GIGYF2: variants seen among roughly 807,000 people sequenced by gnomAD.
The protein encoded by GIGYF2 is GRB10 interacting GYF protein 2, also known as GRB10-interacting GYF protein 2.
Under a neutral mutation model 208.1 loss-of-function variants are expected in GIGYF2, and 25 were observed. The ratio of observed to expected loss-of-function variants is 0.12; its 90% CI spans 0.09 to 0.17. GIGYF2 has a LOEUF of 0.17. GIGYF2 is among the 10% of genes least tolerant of loss of function. The pLI, the probability that GIGYF2 is intolerant of heterozygous loss-of-function variation, is 1.00. For synonymous variants in GIGYF2, 534 were observed against 543.8 expected (o/e 0.98, Z 0.25); for missense variants, 1,302 against 1,579.4 (o/e 0.82, Z 2.98).
intron 2 of GIGYF2, among the ~76,000 whole-genome samples, chr2:232,713,987 T>C (rs1448866105): frequency 2.7e-4 from 41 of 149,736 alleles, no homozygotes; most frequent in Admixed American, 2.7e-3. Context: ...TCTCGCTCTG[T>C]CACCCAGGCT....
chr2:232,836,277 TA>T (rs1559160179), intron 22 of GIGYF2, among the ~76,000 whole-genome samples: 1 of 6,734 alleles, frequency 1.5e-4, no homozygotes, highest in African/African-American at 8.1e-4. Flanking sequence ...TATATATATA[TA>T]TATATATATA....
At chr2:232,813,967 A>G (rs1179029192) in intron 18 of GIGYF2, among the ~76,000 whole-genome samples, 2 of 146,428 alleles carry the variant, frequency 1.4e-5, no homozygotes. Flanking sequence ...GGGTCACTGC[A>G]ACCTCTGCCT....
Position 232,847,564 on chromosome 2 carries a change from A to G in GIGYF2, c.3677A>G (p.Gln1226Arg). The change falls in exon 27 of 29, where the codon CAA (glutamine) becomes CGA (arginine). Residue 1226 changes from glutamine to arginine, a missense_variant. Gln to Arg is a conservative substitution (Grantham distance 43, BLOSUM62 1). This residue lies in a region of GIGYF2 where 701 missense variants were observed against 793.0 expected (regional missense o/e 0.88). Transcript: ENST00000373563. Reference protein sequence around the residue: ...QPPQQPPQQPQQQDSVWGMNH... With the variant: ...QPPQQPPQQPRQQDSVWGMNH... ...CCACAGCAGCCGCCACAGCAGCCAC[A>G]ACAGCAGGTATAAAGTAGTGTGGTG... 1 of 1,579,846 alleles carries G rather than the reference A, an allele frequency of 6.3e-7. No homozygotes were observed. Among genetic ancestry groups the G allele is most frequent in the Non-Finnish European group, 8.7e-7 (1 of 1,151,864 alleles).
At chr2:232,837,632 T>A (rs562993361) in intron 22 of GIGYF2, among the ~76,000 whole-genome samples, 39 of 152,132 alleles carry the variant, frequency 2.6e-4, no homozygotes, top group Admixed American at 5.9e-4. Context: ...TTTTTTTTTT[T>A]ATTTTTAGTA....
At chr2:232,843,168 T>C (rs1701876262) in intron 23 of GIGYF2, 1 of 140,594 alleles carries the variant, frequency 7.1e-6, no homozygotes. Flanking sequence ...TGTGTGTGTG[T>C]GTGTGTGTGT....
chr2:232,732,791 G>A (rs1419807510), intron 2 of GIGYF2, among the ~76,000 whole-genome samples: 1 of 151,756 alleles, frequency 6.6e-6, no homozygotes, highest in Non-Finnish European at 1.5e-5. Context: ...ATCATGCCCA[G>A]CTAATTTTTA....
chr2:232,730,892 C>T (rs1351531702), intron 2 of GIGYF2, among the ~76,000 whole-genome samples: 1 of 106,656 alleles, frequency 9.4e-6, no homozygotes, highest in African/African-American at 3.9e-5. Flanking sequence ...AGCGAGACTC[C>T]GTCTCAAAAA....
At chr2:232,767,117 T>G (rs1013792535) in intron 8 of GIGYF2, 2 of 152,202 alleles carry the variant, frequency 1.3e-5, no homozygotes, top group East Asian at 1.9e-4. Context: ...ATAATAGAGT[T>G]CATCTAGTCC....
chr2:232,707,810 G>C (rs1057253001), intron 2 of GIGYF2, among the ~76,000 whole-genome samples: 6 of 151,830 alleles, frequency 4.0e-5, no homozygotes, highest in Admixed American at 3.9e-4. Flanking sequence ...GCTAATTTTT[G>C]TATTTTTAGT....
chr2:232,833,733 C>T (rs1022677843), intron 22 of GIGYF2, among the ~76,000 whole-genome samples: 2 of 152,044 alleles, frequency 1.3e-5, no homozygotes, highest in African/African-American at 2.4e-5. Flanking sequence ...GAGAGCTCAC[C>T]AACTTAAAAA....
intron 14 of GIGYF2, among the ~76,000 whole-genome samples, chr2:232,797,433 G>A (rs1349398090): frequency 2.0e-5 from 3 of 149,826 alleles, no homozygotes; most frequent in Non-Finnish European, 3.0e-5. Flanking sequence ...TTACTACCTG[G>A]CATTTTACAT....
intron 2 of GIGYF2, among the ~76,000 whole-genome samples, chr2:232,713,678 T>C (rs1016391535): frequency 6.6e-6 from 1 of 152,198 alleles, no homozygotes; most frequent in Non-Finnish European, 1.5e-5. Flanking sequence ...ACAGTTTCTC[T>C]TGTCTTTCCT....
At chr2:232,739,655 G>C (rs1295989826) in intron 3 of GIGYF2, among the ~76,000 whole-genome samples, 1 of 151,886 alleles carries the variant, frequency 6.6e-6, no homozygotes, top group Non-Finnish European at 1.5e-5. Flanking sequence ...CTGGGTGATA[G>C]AGCAAGACCC....
intron 6 of GIGYF2, among the ~76,000 whole-genome samples, chr2:232,759,001 C>T (rs928982554): frequency 3.3e-5 from 5 of 152,072 alleles, no homozygotes; most frequent in African/African-American, 1.2e-4. Flanking sequence ...TATTATAGTT[C>T]CACCGTGCTT....
intron 10 of GIGYF2, 29 bp from the exon 11 acceptor site, chr2:232,790,979 T>A (rs750636931): frequency 9.3e-6 from 15 of 1,613,378 alleles, no homozygotes; most frequent in Non-Finnish European, 1.2e-5. Flanking sequence ...AATCTGCTGT[T>A]GATCTTTGGT....
chr2:232,713,016 G>A (rs551076994), intron 2 of GIGYF2, among the ~76,000 whole-genome samples: 1 of 151,968 alleles, frequency 6.6e-6, no homozygotes, highest in African/African-American at 2.4e-5. Context: ...TCTGTTGAGC[G>A]CTTGAGATGC....
chr2:232,791,383 A>C lies in GIGYF2; in HGVS notation c.1219A>C (p.Lys407Gln), dbSNP rs553112717. The change falls in exon 12 of 29, where the codon AAA (lysine) becomes CAA (glutamine). Residue 407 changes from lysine (K) to glutamine (Q), a missense_variant. Coordinates refer to ENST00000373563, the MANE Select transcript of GIGYF2 (RefSeq NM_001103146.3). ...KDEPKTEQTE[K>Q]AEEETRMENS... ...TGAACCAAAAACTGAGCAAACGGAA[A>C]AAGCTGAAGAGGAGACTCGGATGGA... 8 of 1,613,978 alleles carry C rather than the reference A, an allele frequency of 5.0e-6. No individual in the cohort carries two copies. In the Admixed American group the frequency reaches 1.3e-4, roughly 27 times the overall value.
rs1201276332 is a variant in GIGYF2, at chr2:232,701,197, T to A, written c.-109-2227T>A. ...TATTTCAAAGTATTACATACTTCCC[T>A]ACTTTAAGTAAATAAGGAACACAAT... On this transcript the variant is annotated intron_variant, in intron 1 of 28. Transcript: ENST00000373563. Among the ~76,000 whole-genome samples, 4 of 152,068 alleles carry A rather than the reference T, an allele frequency of 2.6e-5. No individual in the cohort carries two copies. The East Asian group carries it at 7.8e-4, about 30-fold the overall frequency.
At chr2:232,737,479 AG>A (rs1462158649) in intron 3 of GIGYF2, among the ~76,000 whole-genome samples, 1 of 152,188 alleles carries the variant, frequency 6.6e-6, no homozygotes, top group Non-Finnish European at 1.5e-5. Context: ...TGCAGGTGTA[AG>A]TAGGCATAGT....
Sources: gnomAD v4.1 joint callset for allele counts (sites outside exome capture counted in the v4.1 genomes callset) on GRCh38, gnomAD v4.1.1 for gene constraint, gnomAD v4.1.1 regional missense constraint, MANE v1.5 for transcripts, NCBI Gene and HGNC (gene_info 2026-07-23, HGNC 2026-07-21) for gene names.